Variants in NF2 observed in about 807,000 individuals in gnomAD.
The protein encoded by NF2 is NF2, moesin-ezrin-radixin like (MERLIN) tumor suppressor.
Under a neutral mutation model 83.7 loss-of-function variants are expected in NF2, and 8 were observed. The ratio of observed to expected loss-of-function variants is 0.10; its 90% confidence interval spans 0.06 to 0.17. The LOEUF (loss-of-function observed/expected upper bound fraction) is 0.17. Among genes scored for constraint, NF2 ranks in the 10% least tolerant of loss-of-function variants. NF2 has a pLI of 1.00. For missense variants in NF2, 533 were observed against 744.4 expected (o/e 0.72, Z 3.31); for synonymous variants, 266 against 269.6 (o/e 0.99, Z 0.13).
At chr22:29,640,444 C>T (rs7288120) in intron 3 of NF2, among the ~76,000 whole-genome samples, 2,565 of 152,218 alleles carry the variant, frequency 0.017, 83 homozygotes, top group African/African-American at 0.059. Context: ...TACAGGTTGA[C>T]CATCCAGAGG....
At chr22:29,632,503 G>A (rs984675297) in intron 1 of NF2, among the ~76,000 whole-genome samples, 5 of 152,198 alleles carry the variant, frequency 3.3e-5, no homozygotes, top group Middle Eastern at 3.2e-3. Flanking sequence ...TTATGTGTGC[G>A]ATGAAGGAGG....
rs764512220 is a variant in NF2 at position 29,697,968 on chromosome 22, C to T, written c.*3166C>T. 1 of 226,526 alleles carries T rather than the reference C, an allele frequency of 4.4e-6. No individual in the cohort carries two copies. The highest frequency in any genetic ancestry group is 8.8e-6 in the Non-Finnish European group (1 of 113,768). The allele number at this position is 226,526 out of a possible 1,614,324, so 14.0% of individuals were successfully genotyped here. A position where few individuals can be genotyped will look rare whatever the true frequency, so the allele number is the denominator to read the frequency against. On this transcript the variant is annotated 3_prime_UTR_variant, in exon 16 of 16. Transcript: ENST00000338641. The stretch of plus-strand genomic sequence containing the variant: ...CGTCCTGACCATGGTGGTTTCATTA[C>T]GAGCCCTTCTGCTGGCTCTCAGGCA...
chr22:29,695,596 G>A lies in NF2; in HGVS notation c.*794G>A, dbSNP rs374557247. ...GCCACTCATGTCTTCCCCATTGCCC[G>A]ACGCCCATAGACGCTCCTTCCTGTG... On this transcript the variant is annotated 3_prime_UTR_variant, in exon 16 of 16. Transcript: ENST00000338641. The surrounding 1 kb of genome is among the most constrained non-coding windows in gnomAD (Gnocchi z 5.4). 4.7e-5 allele frequency: 11 copies of A among 234,806 alleles called. No homozygotes were observed. The highest frequency in any genetic ancestry group is 3.6e-4 in the South Asian group (2 of 5,590). The allele number at this position is 234,806 out of a possible 1,614,324, so 14.5% of individuals were successfully genotyped here. A position where few individuals can be genotyped will look rare whatever the true frequency, so the allele number is the denominator to read the frequency against.
chr22:29,658,969 G>C (rs2066399830), intron 7 of NF2, among the ~76,000 whole-genome samples: 1 of 152,158 alleles, frequency 6.6e-6, no homozygotes, highest in East Asian at 1.9e-4. Context: ...TATTTTCATA[G>C]TCATGCTTTG....
intron 14 of NF2, among the ~76,000 whole-genome samples, chr22:29,679,024 A>G (rs2077657093): frequency 6.6e-6 from 1 of 152,250 alleles, no homozygotes; most frequent in Admixed American, 6.5e-5. Flanking sequence ...AGTAGCTACC[A>G]TGCATTGAGT....
chr22:29,661,327 C>T lies in NF2; in HGVS notation c.798C>T (p.Tyr266=), dbSNP rs917257652. The T allele has an allele frequency of 1.2e-6, 2 of 1,614,018 alleles. No homozygotes were observed. The highest frequency in any genetic ancestry group is 1.3e-5 in the African/African-American group (1 of 74,940). The change falls in exon 8 of 16, where the codon TAC becomes TAT. Residue 266 remains tyrosine, a synonymous_variant. Transcript: ENST00000338641. ...GGAATGAAATCCGAAACATCTCGTA[C>T]AGTGACAAGGAGGTAGGACATGTGT... ...FPWNEIRNIS[Y]SDKEFTIKPL... is the part of the protein sequence containing the mutation.
chr22:29,618,151 A>G (rs1909439644), intron 1 of NF2, among the ~76,000 whole-genome samples: 1 of 152,166 alleles, frequency 6.6e-6, no homozygotes, highest in Admixed American at 6.5e-5. Flanking sequence ...CTGTTTGTAA[A>G]CCATGTTCAC....
chr22:29,626,010 C>T (rs932308438), intron 1 of NF2, among the ~76,000 whole-genome samples: 7 of 152,166 alleles, frequency 4.6e-5, no homozygotes, highest in African/African-American at 1.4e-4. Flanking sequence ...AAAGTAATTA[C>T]TAAATGTATC....
intron 6 of NF2, among the ~76,000 whole-genome samples, chr22:29,656,637 C>T (rs1437753567): frequency 6.6e-6 from 1 of 152,054 alleles, no homozygotes; most frequent in Non-Finnish European, 1.5e-5. Flanking sequence ...TGGTCTCGAT[C>T]TCCTGACCTC....
intron 1 of NF2, among the ~76,000 whole-genome samples, chr22:29,604,413 T>G (rs1373306085): frequency 6.6e-6 from 1 of 152,236 alleles, no homozygotes; most frequent in Non-Finnish European, 1.5e-5. Context: ...TGAAAGTTTA[T>G]TCTTTCATTA....
chr22:29,629,045 A>G (rs1257403141), intron 1 of NF2, among the ~76,000 whole-genome samples: 1 of 151,586 alleles, frequency 6.6e-6, no homozygotes, highest in Non-Finnish European at 1.5e-5. Context: ...GCTGTGATCT[A>G]TTTTTTTTCC....
chr22:29,669,362 A>C (rs908850947), intron 10 of NF2, among the ~76,000 whole-genome samples: 1 of 152,088 alleles, frequency 6.6e-6, no homozygotes, highest in African/African-American at 2.4e-5. Context: ...TTTCATGAAG[A>C]GCTCGTGGCA....
chr22:29,638,528 T>A (rs2065709901), intron 2 of NF2, among the ~76,000 whole-genome samples: 1 of 152,026 alleles, frequency 6.6e-6, no homozygotes, highest in Non-Finnish European at 1.5e-5. Context: ...TTTTTTGTAT[T>A]TTTAGTAGAG....
In NF2 at chr22:29,603,915, G is replaced by C. The variant is rs558960493; in HGVS notation, c.-84G>C. The C allele has an allele frequency of 1.9e-4, 201 of 1,086,000 alleles. 1 individual carries two copies. In the East Asian group the frequency reaches 4.9e-3, roughly 26 times the overall value. 67.3% of individuals were successfully genotyped at this position (1,086,000 alleles called of 1,614,324 possible). On this transcript the variant is annotated 5_prime_UTR_variant, in exon 1 of 16. Transcript: ENST00000338641. ...CAGCCGGCCACCATGGTGGCCCTGA[G>C]GCCTGTGCAGCAACTCCAGGGGGGC...
rs1459909322 is a variant in NF2, at chr22:29,695,272, C to T, written c.*470C>T. On this transcript the variant is annotated 3_prime_UTR_variant, in exon 16 of 16. Coordinates refer to ENST00000338641, the MANE Select transcript of NF2 (RefSeq NM_000268.4). This position sits in a 1 kb window ranked among gnomAD's most constrained non-coding sequence, Gnocchi z 5.4. ...AGGACCTGGCATGCAGCGAAGCAGC[C>T]CAGCCCGGCGGATCCCAGGCCAGCA... 2 of 305,614 alleles carry T rather than the reference C, an allele frequency of 6.5e-6. No individual in the cohort carries two copies. Among genetic ancestry groups the T allele is most frequent in the East Asian group, 9.4e-5 (2 of 21,250 alleles). 18.9% of individuals were successfully genotyped at this position (305,614 alleles called of 1,614,324 possible).
intron 1 of NF2, among the ~76,000 whole-genome samples, chr22:29,612,661 A>G (rs1728480580): frequency 6.6e-6 from 1 of 152,108 alleles, no homozygotes; most frequent in Non-Finnish European, 1.5e-5. Flanking sequence ...AAAAGAAAGA[A>G]GATATAAATA....
At chr22:29,628,734 G>A (rs1054698215) in intron 1 of NF2, among the ~76,000 whole-genome samples, 8 of 149,174 alleles carry the variant, frequency 5.4e-5, no homozygotes, top group Admixed American at 3.4e-4. Flanking sequence ...AAGTTCAAGC[G>A]ATTCTCCTGC....
At position 29,661,254 on chromosome 22, in the gene NF2, A is replaced by G; in HGVS notation, c.725A>G (p.His242Arg). The G allele has an allele frequency of 1.2e-6, 2 of 1,614,236 alleles. No homozygotes were observed. The highest frequency in any genetic ancestry group is 1.7e-6 in the Non-Finnish European group (2 of 1,180,036). Reference sequence around the variant, plus strand: ...CTTGGAGTGGATGCCCTGGGGCTTCACATTTATGACCCTGAGAACAGACTG... The same window carrying G: ...CTTGGAGTGGATGCCCTGGGGCTTCGCATTTATGACCCTGAGAACAGACTG... ...LLLGVDALGL[H>R]IYDPENRLTP... Residue 242 changes from histidine (H) to arginine (R), a missense_variant, in exon 8 of 16, where the codon CAC (histidine) becomes CGC (arginine). Physicochemically the swap from His to Arg is conservative, Grantham distance 29. Coordinates refer to ENST00000338641, the MANE Select transcript of NF2 (RefSeq NM_000268.4).
rs548196672 is a variant in NF2, at chr22:29,635,919, G to A, written c.115-832G>A. ...AGGGGTTGTATGGGAACATCCTGGTGGTTTAACTTGAAAGCCACTAGGTGG... is the reference window on the plus strand; with the variant it reads ...AGGGGTTGTATGGGAACATCCTGGTAGTTTAACTTGAAAGCCACTAGGTGG... On this transcript the variant is annotated intron_variant, in intron 1 of 15. Coordinates refer to ENST00000338641, the MANE Select transcript of NF2 (RefSeq NM_000268.4). Among the ~76,000 whole-genome samples, 11 of 152,264 alleles carry A rather than the reference G, an allele frequency of 7.2e-5. No individual in the cohort carries two copies. In the East Asian group the frequency reaches 2.1e-3, roughly 29 times the overall value.
Sources: gnomAD v4.1 joint callset for allele counts (sites outside exome capture counted in the v4.1 genomes callset) on GRCh38, gnomAD v4.1.1 for gene constraint, Gnocchi (gnomAD v3.1) non-coding constraint, MANE v1.5 for transcripts, NCBI Gene and HGNC (gene_info 2026-07-23, HGNC 2026-07-21) for gene names.